Variants in HSPA12A observed in about 807,000 individuals in gnomAD.
HSPA12A encodes the protein heat shock 70 kDa protein 12A.
HSPA12A carries 28 observed loss-of-function variants against 69.2 expected under a neutral mutation model. That is an observed-to-expected ratio of 0.40 (90% CI 0.30 to 0.55). HSPA12A has a LOEUF of 0.55. Ranked by LOEUF, HSPA12A falls within the 20% of genes least tolerant of loss-of-function variation. HSPA12A has a pLI of 0.38. For missense variants in HSPA12A, 686 were observed against 900.7 expected, an observed-to-expected ratio of 0.76 and a Z score of 3.05; for synonymous variants, 345 against 370.5, an observed-to-expected ratio of 0.93 and a Z score of 0.79.
chr10:116,742,963 C>G (rs929551689), upstream of HSPA12A, among the ~76,000 whole-genome samples: 3 of 152,122 alleles, frequency 2.0e-5, no homozygotes, highest in African/African-American at 7.2e-5. Flanking sequence ...GGCGCTCTCC[C>G]GAGGACGCCC....
At chr10:116,752,947 T>C (rs564764162) in intron 2 of HSPA12A, among the ~76,000 whole-genome samples, 1 of 152,326 alleles carries the variant, frequency 6.6e-6, no homozygotes, top group African/African-American at 2.4e-5. Flanking sequence ...GCAGGAGCTT[T>C]GTAAGAGAAT....
At chr10:116,718,013 T>G (rs1554883979) in intron 1 of HSPA12A, among the ~76,000 whole-genome samples, 1 of 152,198 alleles carries the variant, frequency 6.6e-6, no homozygotes, top group Non-Finnish European at 1.5e-5. Context: ...GACCACAGCT[T>G]GAGCCTTCCT....
chr10:116,782,477 T>C (rs1844484905), intron 2 of HSPA12A, among the ~76,000 whole-genome samples: 3 of 152,068 alleles, frequency 2.0e-5, no homozygotes, highest in Non-Finnish European at 2.9e-5. Flanking sequence ...AATGGATAAA[T>C]AAATTGTGGC....
chr10:116,704,804 C>G (rs1176697573), intron 3 of HSPA12A, among the ~76,000 whole-genome samples: 1 of 152,128 alleles, frequency 6.6e-6, no homozygotes, highest in African/African-American at 2.4e-5. Flanking sequence ...TAAAGTCACA[C>G]AGTAAGTGGC....
intron 1 of HSPA12A, among the ~76,000 whole-genome samples, chr10:116,846,344 GT>G (rs1554898162): frequency 3.0e-5 from 4 of 133,698 alleles, no homozygotes; most frequent in Non-Finnish European, 6.5e-5. Context: ...TTTTTTTTTT[GT>G]TTTTTTGTTT....
chr10:116,793,525 C>T (rs940410396), intron 2 of HSPA12A, among the ~76,000 whole-genome samples: 1 of 152,152 alleles, frequency 6.6e-6, no homozygotes, highest in Non-Finnish European at 1.5e-5. Context: ...AAGCCACGAT[C>T]ACACCACTGT....
intron 3 of HSPA12A, among the ~76,000 whole-genome samples, chr10:116,701,529 G>A (rs1554881633): frequency 6.6e-6 from 1 of 152,244 alleles, no homozygotes; most frequent in African/African-American, 2.4e-5. Context: ...CTGAAACAAG[G>A]TAGGTATAGA....
At chr10:116,761,487 CAAA>C (rs782209921) in intron 2 of HSPA12A, among the ~76,000 whole-genome samples, 2 of 90,444 alleles carry the variant, frequency 2.2e-5, no homozygotes, top group African/African-American at 4.3e-5. Context: ...GACTCCATCT[CAAA>C]AAAAAAAAAA....
chr10:116,712,955 T>A (rs1850480331), intron 1 of HSPA12A, among the ~76,000 whole-genome samples: 1 of 130,576 alleles, frequency 7.7e-6, no homozygotes, highest in Non-Finnish European at 1.6e-5. Flanking sequence ...TAAGGTCTGG[T>A]ACTTATGATT....
intron 2 of HSPA12A, among the ~76,000 whole-genome samples, chr10:116,779,341 G>A (rs1054543972): frequency 6.6e-6 from 1 of 152,204 alleles, no homozygotes; most frequent in South Asian, 2.1e-4. Flanking sequence ...ACCAGGGCCA[G>A]TGGGGCCTGG....
chr10:116,743,460 G>A (rs189199824), upstream of HSPA12A, among the ~76,000 whole-genome samples: 7 of 152,208 alleles, frequency 4.6e-5, no homozygotes, highest in African/African-American at 7.2e-5. Context: ...TGTGCTACCT[G>A]CCTGGTGCTT....
At chr10:116,764,213 T>C (rs1342006062) in intron 2 of HSPA12A, among the ~76,000 whole-genome samples, 6 of 152,184 alleles carry the variant, frequency 3.9e-5, no homozygotes, top group Non-Finnish European at 5.9e-5. Flanking sequence ...GTATTATAGA[T>C]TTATACTTTG....
At chr10:116,849,846 G>A (rs1434456935), upstream of HSPA12A, 43 of 1,208,924 alleles carry the variant, frequency 3.6e-5, no homozygotes, top group East Asian at 1.1e-3. Context: ...CAGCCGCCCG[G>A]GCCCTGGGCC....
At position 116,779,774 on chromosome 10, in the gene HSPA12A, A is replaced by G. The variant is rs115714361; in HGVS notation, c.91+55161T>C. On this transcript the variant is annotated intron_variant, in intron 2 of 12. Transcript: ENST00000635765. ...ATGTTGGGGAATGGCACGAAGCCCAATGTGAAGGGAAAACAGGGTGGGTGT... is the reference window on the plus strand; with the variant it reads ...ATGTTGGGGAATGGCACGAAGCCCAGTGTGAAGGGAAAACAGGGTGGGTGT... 4.6e-3 allele frequency among the ~76,000 whole-genome samples: 706 copies of G among 152,216 alleles called. 3 individuals carry two copies. The highest frequency in any genetic ancestry group is 0.015 in the African/African-American group (640 of 41,538).
intron 1 of HSPA12A, among the ~76,000 whole-genome samples, chr10:116,844,272 C>T (rs1005555230): frequency 2.0e-5 from 3 of 152,142 alleles, no homozygotes; most frequent in Non-Finnish European, 4.4e-5. Flanking sequence ...TCCAGGCATA[C>T]AAAAATGCCC....
intron 2 of HSPA12A, chr10:116,828,802 G>T (rs1160371228): frequency 6.6e-6 from 1 of 152,158 alleles, no homozygotes; most frequent in African/African-American, 2.4e-5. Context: ...CATGAATTCT[G>T]ATTTTTATGG....
chr10:116,727,934 G>A (rs1177298531), intron 1 of HSPA12A, among the ~76,000 whole-genome samples: 19 of 151,236 alleles, frequency 1.3e-4, no homozygotes, highest in Middle Eastern at 6.8e-3. Context: ...ATTTTTTTGG[G>A]GGGGGGACAG....
intron 2 of HSPA12A, among the ~76,000 whole-genome samples, chr10:116,824,375 C>A (rs561285462): frequency 6.6e-6 from 1 of 152,190 alleles, no homozygotes; most frequent in Non-Finnish European, 1.5e-5. Flanking sequence ...TATAGAGTTA[C>A]CATATGCCCT....
chr10:116,717,298 G>A (rs540348386), intron 1 of HSPA12A, among the ~76,000 whole-genome samples: 4 of 152,278 alleles, frequency 2.6e-5, no homozygotes, highest in East Asian at 1.9e-4. Context: ...CTCTAACTAC[G>A]AGACAGGTGT....
Sources: gnomAD v4.1 joint callset for allele counts (sites outside exome capture counted in the v4.1 genomes callset) on GRCh38, gnomAD v4.1.1 for gene constraint, MANE v1.5 for transcripts, NCBI Gene and HGNC (gene_info 2026-07-23, HGNC 2026-07-21) for gene names.